The following NKAIN4 variants were observed in gnomAD, a reference collection of about 807,000 sequenced individuals.
NKAIN4 encodes sodium/potassium-transporting ATPase subunit beta-1-interacting protein 4.
NKAIN4 carries 28 observed loss-of-function variants against 28.8 expected under a neutral mutation model. That is an observed-to-expected ratio of 0.97 (90% CI 0.72 to 1.33). The LOEUF (loss-of-function observed/expected upper bound fraction) is 1.33. Among genes scored for constraint, NKAIN4 ranks in the 40% most tolerant of loss-of-function variants. NKAIN4 has a pLI of 0.00. For synonymous variants in NKAIN4, 122 were observed against 115.6 expected (o/e 1.06, Z -0.36); for missense variants, 289 against 277.2 (o/e 1.04, Z -0.30).
intron 1 of NKAIN4, among the ~76,000 whole-genome samples, chr20:63,251,907 C>G (rs1825823666): frequency 1.3e-5 from 2 of 152,172 alleles, no homozygotes; most frequent in South Asian, 4.1e-4. Context: ...CCGGAGGACA[C>G]TAACCTACGA....
chr20:63,243,665 A>G (rs766405292), intron 5 of NKAIN4, among the ~76,000 whole-genome samples: 5 of 152,072 alleles, frequency 3.3e-5, no homozygotes, highest in Non-Finnish European at 7.4e-5. Context: ...CGTCCTGGCC[A>G]TGGGCCCGGT....
intron 6 of NKAIN4, 112 bp from the exon 7 acceptor site, chr20:63,241,618 A>C: frequency 1.1e-6 from 1 of 947,056 alleles, no homozygotes; most frequent in Non-Finnish European, 1.7e-6. Flanking sequence ...CAAGCAGTGG[A>C]CGGCTTCAGG....
At chr20:63,241,766 G>T in intron 6 of NKAIN4, 4 of 662,608 alleles carry the variant, frequency 6.0e-6, no homozygotes, top group Non-Finnish European at 1.1e-5. Flanking sequence ...GGAGTGGAGA[G>T]GGGGCTCACC....
At chr20:63,254,559 T>TTCCCCCCTCCGCATCCCGG, upstream of NKAIN4, 7 of 742,444 alleles carry the variant, frequency 9.4e-6, no homozygotes, top group Non-Finnish European at 1.1e-5. Context: ...CCGCATCCCG[T>TTCCCCCCTCCGCATCCCGG]TCCCCCCTCC....
At chr20:63,244,276 A>G (rs1364595143) in intron 4 of NKAIN4, among the ~76,000 whole-genome samples, 192 bp from the exon 5 acceptor site, 1 of 152,122 alleles carries the variant, frequency 6.6e-6, no homozygotes, top group African/African-American at 2.4e-5. Context: ...CAAGCTCCGG[A>G]CGCACCCCTG....
chr20:63,242,739 T>G, intron 5 of NKAIN4, 116 bp from the exon 6 acceptor site: 1 of 449,252 alleles, frequency 2.2e-6, no homozygotes, highest in Middle Eastern at 3.6e-4. Flanking sequence ...GCACAGACAG[T>G]GCCCAAAGCC....
At chr20:63,244,885 A>ACCCC (rs941415669) in intron 4 of NKAIN4, among the ~76,000 whole-genome samples, 1 of 152,038 alleles carries the variant, frequency 6.6e-6, no homozygotes, top group African/African-American at 2.4e-5. Flanking sequence ...GACTGGAGGG[A>ACCCC]CCCCGGAACG....
chr20:63,249,058 C>A, intron 2 of NKAIN4, 163 bp from the exon 3 acceptor site: 1 of 611,220 alleles, frequency 1.6e-6, no homozygotes, highest in East Asian at 2.8e-5. Context: ...AGGGGTCCCC[C>A]AAGCCCACCC....
At chr20:63,251,125 A>G (rs2066951200) in intron 1 of NKAIN4, among the ~76,000 whole-genome samples, 2 of 152,096 alleles carry the variant, frequency 1.3e-5, no homozygotes, top group Admixed American at 1.3e-4. Context: ...TCCACTGGCC[A>G]GGGGGCCCTT....
intron 4 of NKAIN4, chr20:63,246,705 C>G (rs995191880): frequency 1.0e-6 from 1 of 985,374 alleles, no homozygotes; most frequent in African/African-American, 1.7e-5. Context: ...GTTCCTCCAG[C>G]GACGGCACCA....
rs2066737260 is a variant in NKAIN4 at position 63,240,825 on chromosome 20, TGG to T, written c.*670_*671del. Reference sequence around the variant, plus strand: ...GTTTATTTACCAACTTGATGATACCTGGGGGAGCCTTTGGGACTGTTTGCCCA... The same window carrying T: ...GTTTATTTACCAACTTGATGATACCTGGGAGCCTTTGGGACTGTTTGCCCA... On this transcript the variant is annotated 3_prime_UTR_variant, in exon 7 of 7. Coordinates refer to ENST00000370316, the MANE Select transcript of NKAIN4 (RefSeq NM_152864.4). 2.6e-5 allele frequency: 4 copies of T among 152,448 alleles called. No homozygotes were observed. The highest frequency in any genetic ancestry group is 9.6e-5 in the African/African-American group (4 of 41,468). The allele number at this position is 152,448 out of a possible 1,614,324, so 9.4% of individuals were successfully genotyped here.
chr20:63,246,693 AAGTTCCTCCAGCGACGGCACC>A, intron 4 of NKAIN4: 1 of 976,734 alleles, frequency 1.0e-6, no homozygotes, highest in Non-Finnish European at 1.2e-6. Flanking sequence ...GATCGGTCAG[AAGTTCCTCCAGCGACGGCACC>A]AGCCGTGCTG....
chr20:63,250,531 A>C (rs924127775), intron 1 of NKAIN4, among the ~76,000 whole-genome samples: 3 of 147,266 alleles, frequency 2.0e-5, no homozygotes, highest in African/African-American at 7.3e-5. Context: ...GCGGGTTCAC[A>C]AGAGTACTGG....
intron 1 of NKAIN4, chr20:63,253,918 C>T (rs1490151727): frequency 6.4e-6 from 1 of 157,420 alleles, no homozygotes; most frequent in African/African-American, 2.4e-5. Flanking sequence ...CTCGCAAACT[C>T]GCAGGCACAG....
At chr20:63,254,722 G>A (rs1421667380), upstream of NKAIN4, 5 of 289,236 alleles carry the variant, frequency 1.7e-5, no homozygotes, top group Admixed American at 5.3e-5. Flanking sequence ...GGTAGCGAGG[G>A]GCGGCGCCGC....
At chr20:63,253,835 G>GGGGCGCGGC (rs1568715545) in intron 1 of NKAIN4, 1 of 151,820 alleles carries the variant, frequency 6.6e-6, no homozygotes, top group African/African-American at 2.4e-5. Context: ...CGGGCGGAAT[G>GGGGCGCGGC]GGGGGCGGCG....
At chr20:63,243,334 C>T (rs892141842) in intron 5 of NKAIN4, among the ~76,000 whole-genome samples, 85 of 152,200 alleles carry the variant, frequency 5.6e-4, no homozygotes, top group African/African-American at 1.9e-3. Flanking sequence ...GACACGTGGA[C>T]TGCTGACCCC....
At chr20:63,242,792 G>T (rs552542893) in intron 5 of NKAIN4, among the ~76,000 whole-genome samples, 169 bp from the exon 6 acceptor site, 2 of 151,586 alleles carry the variant, frequency 1.3e-5, no homozygotes, top group Non-Finnish European at 2.9e-5. Context: ...GGGACGGGGG[G>T]GGTGGGACAC....
At chr20:63,244,539 G>C in intron 4 of NKAIN4, 1 of 471,970 alleles carries the variant, frequency 2.1e-6, no homozygotes, top group Non-Finnish European at 4.4e-6. Flanking sequence ...AAGCCATCTG[G>C]GATTCTGGTT....
Sources: gnomAD v4.1 joint callset for allele counts (sites outside exome capture counted in the v4.1 genomes callset) on GRCh38, gnomAD v4.1.1 for gene constraint, MANE v1.5 for transcripts, NCBI Gene and HGNC (gene_info 2026-07-23, HGNC 2026-07-21) for gene names.